The following DLC1 variants were observed in gnomAD, a reference collection of about 807,000 sequenced individuals.
DLC1 encodes the protein DLC1 Rho GTPase activating protein.
Under a neutral mutation model 140.3 loss-of-function variants are expected in DLC1, and 54 were observed. The observed-to-expected ratio is 0.38, with a 90% CI of 0.31 to 0.48. The LOEUF is 0.48. Among genes scored for constraint, DLC1 ranks in the 20% least tolerant of loss-of-function variants. The probability of loss-of-function intolerance (pLI) is 0.96; values close to 1 mark genes in which losing one functional copy is unlikely to be tolerated. For synonymous variants in DLC1, 986 were observed against 728.1 expected (o/e 1.35, Z -5.70); for missense variants, 2,536 against 1,907.0 (o/e 1.33, Z -6.14).
At chr8:13,448,276 T>C (rs1211604239) in intron 2 of DLC1, among the ~76,000 whole-genome samples, 2 of 152,152 alleles carry the variant, frequency 1.3e-5, no homozygotes, top group Admixed American at 6.5e-5. Context: ...AATAGAAGTA[T>C]ATATTCGAGC....
chr8:13,434,720 C>G (rs1289800038), intron 2 of DLC1, among the ~76,000 whole-genome samples: 2 of 152,168 alleles, frequency 1.3e-5, no homozygotes, highest in African/African-American at 4.8e-5. Flanking sequence ...ACTCTGCTGC[C>G]CAGGCTGGAG....
intron 4 of DLC1, among the ~76,000 whole-genome samples, chr8:13,353,858 GAA>G (rs756022982): frequency 5.4e-5 from 7 of 129,832 alleles, no homozygotes; most frequent in East Asian, 2.2e-4. Context: ...ACTTCGTCTG[GAA>G]AAAAAAAAAA....
At chr8:13,450,893 G>T (rs920076472) in intron 2 of DLC1, among the ~76,000 whole-genome samples, 56 of 151,808 alleles carry the variant, frequency 3.7e-4, no homozygotes, top group African/African-American at 1.3e-3. Context: ...ACAAAAATTA[G>T]CTGGGCATGG....
intron 16 of DLC1, among the ~76,000 whole-genome samples, chr8:13,087,718 T>C (rs1331667938): frequency 6.6e-6 from 1 of 152,246 alleles, no homozygotes; most frequent in Non-Finnish European, 1.5e-5. Flanking sequence ...AAAGGAGCGC[T>C]GGCTGTTTGA....
intron 1 of DLC1, among the ~76,000 whole-genome samples, chr8:13,522,485 C>T (rs1472999961): frequency 6.6e-6 from 1 of 151,776 alleles, no homozygotes; most frequent in Non-Finnish European, 1.5e-5. Context: ...ATTAGCTGGG[C>T]ATGGTGGTGG....
chr8:13,165,758 G>A (rs1239976793), intron 5 of DLC1, among the ~76,000 whole-genome samples: 3 of 152,156 alleles, frequency 2.0e-5, no homozygotes, highest in Non-Finnish European at 2.9e-5. Context: ...GACCACACAT[G>A]AGTGGCAATG....
intron 2 of DLC1, among the ~76,000 whole-genome samples, chr8:13,423,748 G>A (rs1181874251): frequency 1.3e-5 from 2 of 152,088 alleles, no homozygotes; most frequent in Non-Finnish European, 2.9e-5. Context: ...AAATACATGA[G>A]AAAGTATAGA....
chr8:13,567,034 C>G, intron 1 of DLC1: 1 of 1,551,470 alleles, frequency 6.4e-7, no homozygotes. Context: ...CAAAAGTGCT[C>G]TTGCAAACCT....
chr8:13,164,366 C>T (rs1274833163), intron 5 of DLC1, among the ~76,000 whole-genome samples: 1 of 151,682 alleles, frequency 6.6e-6, no homozygotes, highest in Non-Finnish European at 1.5e-5. Flanking sequence ...CTCTGTCTGT[C>T]TATTTGTGTT....
chr8:13,393,508 T>C (rs575210749), intron 4 of DLC1, 45 bp downstream of exon 4: 36 of 1,574,316 alleles, frequency 2.3e-5, no homozygotes, highest in Non-Finnish European at 3.0e-5. Flanking sequence ...CTGATGATCA[T>C]CAACATTTAC....
At chr8:13,577,537 G>T (rs2410092) in intron 1 of DLC1, among the ~76,000 whole-genome samples, 2 of 151,914 alleles carry the variant, frequency 1.3e-5, no homozygotes, top group African/African-American at 4.8e-5. Context: ...ATTTGAATTC[G>T]GTATTAATTA....
intron 1 of DLC1, among the ~76,000 whole-genome samples, chr8:13,550,157 C>A (rs906759407): frequency 8.6e-5 from 13 of 152,010 alleles, no homozygotes; most frequent in Admixed American, 2.6e-4. Flanking sequence ...AAGGGAGGAA[C>A]CTGAGGGGAG....
At chr8:13,307,848 C>T (rs78772518) in intron 4 of DLC1, among the ~76,000 whole-genome samples, 1 of 152,050 alleles carries the variant, frequency 6.6e-6, no homozygotes, top group Non-Finnish European at 1.5e-5. Context: ...AAGCAAGGCA[C>T]AATACAGGCA....
At position 13,392,138 on chromosome 8, in the gene DLC1, A is replaced by G. The variant is rs1357112296; in HGVS notation, c.1314+1415T>C. Among the ~76,000 whole-genome samples the G allele has an allele frequency of 2.0e-5, 3 of 152,268 alleles. No homozygotes were observed. In the East Asian group the frequency reaches 5.8e-4, roughly 29 times the overall value. ...CTGTTGATTTTTCAGTTTACCCCGA[A>G]AGATCATTGTGCAGTATCTTTCTAG... On this transcript the variant is annotated intron_variant, in intron 4 of 17. Coordinates refer to ENST00000276297, the MANE Select transcript of DLC1 (RefSeq NM_182643.3).
intron 5 of DLC1, among the ~76,000 whole-genome samples, chr8:13,227,491 G>T (rs1171827834): frequency 1.3e-5 from 2 of 152,148 alleles, no homozygotes; most frequent in Non-Finnish European, 2.9e-5. Context: ...TAGTGGTAGG[G>T]CCGAGGGTAC....
chr8:13,578,737 G>A (rs1057494934), intron 1 of DLC1, among the ~76,000 whole-genome samples: 1 of 152,088 alleles, frequency 6.6e-6, no homozygotes, highest in Admixed American at 6.6e-5. Flanking sequence ...GCAAGGTGTG[G>A]GGGAAGGAGT....
chr8:13,567,624 G>A, intron 1 of DLC1: 1 of 1,551,692 alleles, frequency 6.4e-7, no homozygotes. Flanking sequence ...AGCTGGCCCT[G>A]TCTGCCTTTC....
chr8:13,113,868 A>C (rs77991167), intron 6 of DLC1, among the ~76,000 whole-genome samples: 3 of 152,228 alleles, frequency 2.0e-5, no homozygotes, highest in Admixed American at 2.0e-4. Context: ...ACAATAAAAC[A>C]ATTCAGAATC....
intron 4 of DLC1, among the ~76,000 whole-genome samples, chr8:13,316,018 C>T (rs1586123143): frequency 6.6e-6 from 1 of 152,258 alleles, no homozygotes; most frequent in Admixed American, 6.5e-5. Flanking sequence ...TAAACAGCCT[C>T]TCCTTCCCTG....
Sources: gnomAD v4.1 joint callset for allele counts (sites outside exome capture counted in the v4.1 genomes callset) on GRCh38, gnomAD v4.1.1 for gene constraint, MANE v1.5 for transcripts, NCBI Gene and HGNC (gene_info 2026-07-23, HGNC 2026-07-21) for gene names.